The following LDLRAD4 variants were observed in gnomAD, a reference collection of about 807,000 sequenced individuals.
LDLRAD4 encodes the protein low-density lipoprotein receptor class A domain-containing protein 4.
A neutral mutation model predicts 17.0 loss-of-function variants in LDLRAD4; 5 were observed. The observed-to-expected ratio is 0.29, with a 90% CI of 0.15 to 0.62. The LOEUF (loss-of-function observed/expected upper bound fraction) is 0.62, where lower values mean the gene tolerates loss of function less well. LDLRAD4 is among the 20% of genes least tolerant of loss of function. The pLI, the probability that LDLRAD4 is intolerant of heterozygous loss-of-function variation, is 0.84. For synonymous variants in LDLRAD4, 168 were observed against 171.8 expected, an observed-to-expected ratio of 0.98 and a Z score of 0.17; for missense variants, 340 against 424.7, an observed-to-expected ratio of 0.80 and a Z score of 1.75.
intron 1 of LDLRAD4, among the ~76,000 whole-genome samples, chr18:13,227,622 G>A (rs920490518): frequency 2.0e-5 from 3 of 152,206 alleles, no homozygotes; most frequent in South Asian, 2.1e-4. Flanking sequence ...AAGGAAAGAG[G>A]TTTAATTGAC....
At chr18:13,583,197 A>G (rs1407355490) in intron 3 of LDLRAD4, among the ~76,000 whole-genome samples, 1 of 152,212 alleles carries the variant, frequency 6.6e-6, no homozygotes, top group Non-Finnish European at 1.5e-5. Context: ...CTTTTGTAAT[A>G]TTAGTACAAA....
At chr18:13,388,801 C>T (rs987912144) in intron 2 of LDLRAD4, among the ~76,000 whole-genome samples, 2 of 152,240 alleles carry the variant, frequency 1.3e-5, no homozygotes, top group Admixed American at 6.5e-5. Context: ...AACGAGGGGA[C>T]GGGTCTTCCC....
In LDLRAD4 at chr18:13,224,722, C is replaced by T. The variant is rs144348330; in HGVS notation, c.-467+5734C>T. Among the ~76,000 whole-genome samples, 655 of 151,542 alleles carry T rather than the reference C, an allele frequency of 4.3e-3. 2 individuals are homozygous for T. Among genetic ancestry groups the T allele is most frequent in the East Asian group, 0.014 (72 of 5,138 alleles). Reference sequence around the variant, plus strand: ...GTCTTGATCTCCTGACCTCATGATCCGCCCGTCTTGGCCTCCCAAAGTGCT... The same window carrying T: ...GTCTTGATCTCCTGACCTCATGATCTGCCCGTCTTGGCCTCCCAAAGTGCT... On this transcript the variant is annotated intron_variant, in intron 1 of 5. Transcript: ENST00000399848.
intron 3 of LDLRAD4, among the ~76,000 whole-genome samples, chr18:13,552,278 G>A (rs1377240591): frequency 2.6e-5 from 4 of 152,180 alleles, no homozygotes; most frequent in Non-Finnish European, 2.9e-5. Flanking sequence ...CCACGACACC[G>A]TGCTTCCTAC....
intron 1 of LDLRAD4, among the ~76,000 whole-genome samples, chr18:13,341,995 A>C (rs11875421): frequency 0.07 from 10,625 of 152,122 alleles, 994 homozygotes; most frequent in African/African-American, 0.21. Flanking sequence ...TGAGATGATC[A>C]TATGGTGTTT....
At chr18:13,226,841 G>C (rs991040129) in intron 1 of LDLRAD4, among the ~76,000 whole-genome samples, 2 of 152,100 alleles carry the variant, frequency 1.3e-5, no homozygotes, top group Admixed American at 6.5e-5. Context: ...GATACGATGG[G>C]CATAGACTGC....
chr18:13,313,653 C>T (rs201818576), intron 1 of LDLRAD4, among the ~76,000 whole-genome samples: 7 of 152,326 alleles, frequency 4.6e-5, no homozygotes, highest in South Asian at 2.1e-4. Context: ...TGAACAAGAA[C>T]GTTTTGCACC....
intron 1 of LDLRAD4, among the ~76,000 whole-genome samples, chr18:13,308,104 C>T (rs2047018476): frequency 6.6e-6 from 1 of 152,148 alleles, no homozygotes; most frequent in Non-Finnish European, 1.5e-5. Context: ...AACAAATTAG[C>T]CACCTCCACC....
At chr18:13,523,612 T>C (rs1401879784) in intron 3 of LDLRAD4, among the ~76,000 whole-genome samples, 1 of 152,210 alleles carries the variant, frequency 6.6e-6, no homozygotes, top group Non-Finnish European at 1.5e-5. Flanking sequence ...CGTAGTCTCC[T>C]GGGCTCTTCA....
intron 4 of LDLRAD4, among the ~76,000 whole-genome samples, chr18:13,638,092 C>T (rs1331047463): frequency 6.6e-6 from 1 of 152,004 alleles, no homozygotes; most frequent in Admixed American, 6.6e-5. Flanking sequence ...ACTAAATGAG[C>T]TGCCTGAGAT....
chr18:13,346,455 T>G (rs555459513), intron 1 of LDLRAD4, among the ~76,000 whole-genome samples: 28 of 152,360 alleles, frequency 1.8e-4, no homozygotes, highest in Non-Finnish European at 7.3e-5. Context: ...TTTGTTAAAA[T>G]TTCTGTTCTT....
chr18:13,385,253 A>G (rs988053410), intron 1 of LDLRAD4, among the ~76,000 whole-genome samples: 5 of 152,196 alleles, frequency 3.3e-5, no homozygotes, highest in African/African-American at 1.2e-4. Flanking sequence ...AGCATTTTTT[A>G]ATATATCTGT....
At chr18:13,517,394 G>A (rs895155742) in intron 3 of LDLRAD4, among the ~76,000 whole-genome samples, 5 of 152,320 alleles carry the variant, frequency 3.3e-5, no homozygotes, top group African/African-American at 1.2e-4. Flanking sequence ...TAATGATGTG[G>A]TTTTCCCTCC....
intron 1 of LDLRAD4, among the ~76,000 whole-genome samples, chr18:13,291,998 G>C (rs2045989583): frequency 6.6e-6 from 1 of 152,098 alleles, no homozygotes; most frequent in Admixed American, 6.6e-5. Context: ...TCCCTTCTAG[G>C]CTACCAAACA....
intron 1 of LDLRAD4, among the ~76,000 whole-genome samples, chr18:13,369,832 A>G (rs1441749882): frequency 6.6e-6 from 1 of 152,188 alleles, no homozygotes; most frequent in East Asian, 1.9e-4. Context: ...GCTTACGCAC[A>G]CAGATACAGA....
intron 3 of LDLRAD4, among the ~76,000 whole-genome samples, chr18:13,540,282 G>C (rs1274082256): frequency 6.6e-6 from 1 of 152,234 alleles, no homozygotes; most frequent in African/African-American, 2.4e-5. Context: ...CTGTAAGGCA[G>C]AGTACATTTG....
intron 1 of LDLRAD4, among the ~76,000 whole-genome samples, chr18:13,343,296 T>C (rs2082487715): frequency 7.3e-6 from 1 of 136,290 alleles, no homozygotes; most frequent in Non-Finnish European, 1.5e-5. Context: ...TGTGTTCTCA[T>C]TGTTCAGTTC....
At chr18:13,408,342 C>G (rs1280854201) in intron 2 of LDLRAD4, among the ~76,000 whole-genome samples, 1 of 146,466 alleles carries the variant, frequency 6.8e-6, no homozygotes, top group Non-Finnish European at 1.5e-5. Flanking sequence ...CCACTGCACT[C>G]CAGTCTGGCT....
chr18:13,314,479 C>T (rs558766649), intron 1 of LDLRAD4, among the ~76,000 whole-genome samples: 1 of 152,342 alleles, frequency 6.6e-6, no homozygotes, highest in African/African-American at 2.4e-5. Flanking sequence ...TGTAGACCGA[C>T]ATTCCCACGC....
Sources: gnomAD v4.1 joint callset for allele counts (sites outside exome capture counted in the v4.1 genomes callset) on GRCh38, gnomAD v4.1.1 for gene constraint, MANE v1.5 for transcripts, NCBI Gene and HGNC (gene_info 2026-07-23, HGNC 2026-07-21) for gene names.